Variants in ZNF723 observed in about 807,000 individuals in gnomAD.
The protein encoded by ZNF723 is zinc finger protein 723, pseudogene.
ZNF723 carries 5 observed loss-of-function variants against 9.4 expected under a neutral mutation model. The observed-to-expected ratio is 0.53, with a 90% CI of 0.28 to 1.12. The LOEUF is 1.12. Among genes scored for constraint, ZNF723 ranks in the 50% most tolerant of loss-of-function variants. The pLI is 0.10. For synonymous variants in ZNF723, 158 were observed against 168.8 expected (o/e 0.94, Z 0.49); for missense variants, 450 against 501.5 (o/e 0.90, Z 0.98).
At chr19:22,826,096 G>A in the ZNF723 span, among the ~76,000 whole-genome samples, 2 of 152,116 alleles carry the variant, frequency 1.3e-5, no homozygotes, top group Non-Finnish European at 2.9e-5. Context: ...CATATCACTG[G>A]GCTGAGCATC....
intron 1 of ZNF723, among the ~76,000 whole-genome samples, chr19:22,844,759 C>T (rs1599475731): frequency 6.6e-6 from 1 of 152,250 alleles, no homozygotes; most frequent in South Asian, 2.1e-4. Context: ...CTGTGCTGTG[C>T]CTGCTTTCTC....
the ZNF723 span, among the ~76,000 whole-genome samples, chr19:22,817,577 C>G: frequency 6.6e-6 from 1 of 152,114 alleles, no homozygotes; most frequent in Admixed American, 6.5e-5. Flanking sequence ...TGACTCCTTT[C>G]TGGACCCTGC....
At chr19:22,835,988 A>T (rs1967160708) in intron 1 of ZNF723, among the ~76,000 whole-genome samples, 1 of 152,116 alleles carries the variant, frequency 6.6e-6, no homozygotes, top group African/African-American at 2.4e-5. Flanking sequence ...GCACCTTAAA[A>T]TTTTTTTCCT....
chr19:22,837,325 A>G (rs55796146), intron 1 of ZNF723, among the ~76,000 whole-genome samples: 1,544 of 151,120 alleles, frequency 0.01, 24 homozygotes, highest in African/African-American at 0.035. Flanking sequence ...AGAAAGAAAG[A>G]AAGGAAGAAA....
At chr19:22,820,170 A>G in the ZNF723 span, among the ~76,000 whole-genome samples, 1 of 152,166 alleles carries the variant, frequency 6.6e-6, no homozygotes, top group Non-Finnish European at 1.5e-5. Flanking sequence ...TGCCATGCTC[A>G]CAGTGGACCT....
intron 3 of ZNF723, among the ~76,000 whole-genome samples, chr19:22,852,483 A>G (rs1967411473): frequency 6.6e-6 from 1 of 151,998 alleles, no homozygotes; most frequent in African/African-American, 2.4e-5. Context: ...TTATGACTGT[A>G]TATTTTTTGT....
chr19:22,841,660 C>T (rs1454328624), intron 1 of ZNF723, among the ~76,000 whole-genome samples: 2 of 152,100 alleles, frequency 1.3e-5, no homozygotes, highest in African/African-American at 4.8e-5. Flanking sequence ...AGCAATCAAC[C>T]ATTTCACCTC....
chr19:22,847,285 C>T (rs1967327046), intron 1 of ZNF723, among the ~76,000 whole-genome samples: 3 of 151,034 alleles, frequency 2.0e-5, no homozygotes, highest in Non-Finnish European at 2.9e-5. Flanking sequence ...TATCTTTATG[C>T]AGCTGATGTG....
chr19:22,848,439 T>C, intron 2 of ZNF723, 52 bp downstream of exon 2: 6 of 1,247,452 alleles, frequency 4.8e-6, no homozygotes, highest in Non-Finnish European at 6.8e-6. Flanking sequence ...GTTTCTTTTT[T>C]TGGTGTTGTA....
At chr19:22,846,073 T>C (rs953115106) in intron 1 of ZNF723, among the ~76,000 whole-genome samples, 2 of 152,078 alleles carry the variant, frequency 1.3e-5, no homozygotes, top group African/African-American at 4.8e-5. Flanking sequence ...GAACAATATT[T>C]CTTTTTAGAG....
chr19:22,848,505 A>G, intron 2 of ZNF723, 118 bp downstream of exon 2: 1 of 812,550 alleles, frequency 1.2e-6, no homozygotes, highest in Non-Finnish European at 1.9e-6. Context: ...CACTGTTTTG[A>G]AGAAAAGCTT....
intron 1 of ZNF723, chr19:22,840,919 A>T (rs1391278880): frequency 6.6e-6 from 1 of 152,588 alleles, no homozygotes; most frequent in East Asian, 1.9e-4. Context: ...CCTGCAGCTC[A>T]GGCTTCATTG....
chr19:22,841,588 C>G (rs967466899), intron 1 of ZNF723, among the ~76,000 whole-genome samples: 27 of 152,208 alleles, frequency 1.8e-4, no homozygotes, highest in Non-Finnish European at 4.0e-4. Context: ...AAGCTTTACT[C>G]TAGAGGAGAC....
rs926529501 is a variant in ZNF723 at position 22,848,246 on chromosome 19, G to C, written c.4-15G>C. ...GGTAAATATGTGTGTATGTGTGTGT[G>C]TGTTTTTTTTTCAGGGACCATTGAC... On this transcript the variant is annotated splice_polypyrimidine_tract_variant and intron_variant, in intron 1 of 3. Transcript: ENST00000600766. The C allele has an allele frequency of 6.0e-5, 58 of 967,684 alleles. No individual in the cohort carries two copies. Among genetic ancestry groups the C allele is most frequent in the Middle Eastern group, 2.2e-4 (1 of 4,606 alleles). 59.9% of individuals were successfully genotyped at this position (967,684 alleles called of 1,614,324 possible).
intron 1 of ZNF723, among the ~76,000 whole-genome samples, chr19:22,843,760 T>C (rs928498963): frequency 6.6e-6 from 1 of 152,214 alleles, no homozygotes; most frequent in African/African-American, 2.4e-5. Context: ...TATGCGTTTC[T>C]ATTACCTGCT....
the ZNF723 span, among the ~76,000 whole-genome samples, chr19:22,815,250 A>G: frequency 1.3e-5 from 2 of 152,114 alleles, no homozygotes; most frequent in African/African-American, 4.8e-5. Flanking sequence ...CTTGCCCACA[A>G]GGGGCCTTGT....
chr19:22,832,306 T>G lies in ZNF723; in HGVS notation c.-74T>G. ...TTGGCGCGGCCTTTTGAGTTCCTGG[T>G]CTCTGTGGCCTCCTGACCTACATGC... On this transcript the variant is annotated 5_prime_UTR_variant, in exon 1 of 4. Coordinates refer to ENST00000600766, the MANE Select transcript of ZNF723 (RefSeq NM_001349726.2). 1 of 1,304,718 alleles carries G rather than the reference T, an allele frequency of 7.7e-7. No homozygotes were observed. Among genetic ancestry groups the G allele is most frequent in the Non-Finnish European group, 1.1e-6 (1 of 929,120 alleles). 80.8% of individuals were successfully genotyped at this position (1,304,718 alleles called of 1,614,324 possible). A position where few individuals can be genotyped will look rare whatever the true frequency, so the allele number is the denominator to read the frequency against.
Position 22,857,174 on chromosome 19 carries a change from T to G in ZNF723, c.283T>G (p.Phe95Val), listed in dbSNP as rs557243133. ...GCCAGAGCAGGGCATAAAAGATTCT[T>G]TCCAAAAAGTAATACTGAGAAGCTA... Reference protein sequence around the residue: ...LWPEQGIKDSFQKVILRSYGK... With the variant: ...LWPEQGIKDSVQKVILRSYGK... Residue 95 changes from phenylalanine to valine, a missense_variant, in exon 4 of 4, where the codon TTC becomes GTC. By Grantham distance (50) the Phe-to-Val change is conservative. Around this residue, in one of 5 missense-constraint regions of ZNF723, gnomAD observed 143 missense variants for 101.3 expected, o/e 1.41. Coordinates refer to ENST00000600766, the MANE Select transcript of ZNF723 (RefSeq NM_001349726.2). 2 of 993,768 alleles carry G rather than the reference T, an allele frequency of 2.0e-6. No homozygotes were observed. The highest frequency in any genetic ancestry group is 2.2e-5 in the Admixed American group (1 of 44,812). 61.6% of individuals were successfully genotyped at this position (993,768 alleles called of 1,614,324 possible).
intron 1 of ZNF723, among the ~76,000 whole-genome samples, chr19:22,837,282 A>G (rs1437387260): frequency 6.6e-6 from 1 of 151,444 alleles, no homozygotes; most frequent in African/African-American, 2.4e-5. Context: ...GGCTTAAAAA[A>G]AAAAAAAAAG....
Sources: gnomAD v4.1 joint callset for allele counts (sites outside exome capture counted in the v4.1 genomes callset) on GRCh38, gnomAD v4.1.1 for gene constraint, gnomAD v4.1.1 regional missense constraint, MANE v1.5 for transcripts, NCBI Gene and HGNC (gene_info 2026-07-23, HGNC 2026-07-21) for gene names.